Variants in GDAP2 observed in about 807,000 individuals in gnomAD.
GDAP2 encodes ganglioside-induced differentiation-associated protein 2.
Under a neutral mutation model 67.0 loss-of-function variants are expected in GDAP2, and 51 were observed. The ratio of observed to expected loss-of-function variants is 0.76; its 90% CI spans 0.61 to 0.96. GDAP2 has a LOEUF of 0.96. GDAP2 is among the 40% of genes least tolerant of loss of function. The probability of loss-of-function intolerance (pLI) is 0.00; values close to 1 mark genes in which losing one functional copy is unlikely to be tolerated. For synonymous variants in GDAP2, 203 were observed against 207.3 expected (o/e 0.98, Z 0.18); for missense variants, 547 against 588.3 (o/e 0.93, Z 0.73).
intron 1 of GDAP2, among the ~76,000 whole-genome samples, chr1:117,924,547 G>A (rs1160191572): frequency 6.6e-6 from 1 of 152,158 alleles, no homozygotes; most frequent in East Asian, 1.9e-4. Context: ...AATACATTCC[G>A]TGATGTTTCC....
intron 6 of GDAP2, among the ~76,000 whole-genome samples, chr1:117,899,637 G>T (rs1452724768): frequency 6.6e-6 from 1 of 151,824 alleles, no homozygotes; most frequent in African/African-American, 2.4e-5. Flanking sequence ...CTTTCATGAT[G>T]TTTATTCTTT....
intron 5 of GDAP2, among the ~76,000 whole-genome samples, chr1:117,906,946 A>G (rs777331731): frequency 3.9e-4 from 60 of 152,136 alleles, no homozygotes; most frequent in Admixed American, 6.5e-4. Flanking sequence ...ACTCTATACA[A>G]TTCTCTTTTA....
intron 13 of GDAP2, among the ~76,000 whole-genome samples, chr1:117,873,370 C>T (rs537667455): frequency 7.2e-5 from 11 of 151,816 alleles, no homozygotes; most frequent in Non-Finnish European, 1.6e-4. Context: ...TATTCCAAGT[C>T]ACATAAATCC....
chr1:117,875,665 A>G (rs1420226436), intron 13 of GDAP2, among the ~76,000 whole-genome samples: 1 of 152,206 alleles, frequency 6.6e-6, no homozygotes, highest in Non-Finnish European at 1.5e-5. Context: ...GGGGGTGCCC[A>G]AGGCCTTGGG....
At position 117,865,307 on chromosome 1, in the gene GDAP2, T is replaced by C. The variant is rs989356909; in HGVS notation, c.*5262A>G. 3.3e-5 allele frequency: 5 copies of C among 152,226 alleles called. No homozygotes were observed. Among genetic ancestry groups the C allele is most frequent in the African/African-American group, 1.2e-4 (5 of 41,456 alleles). 9.4% of individuals were successfully genotyped at this position (152,226 alleles called of 1,614,324 possible). ...CTATTATTTCACTATTGATTCTTCA[T>C]AGGCTATATTTGTATAGAGTGAGAC... On this transcript the variant is annotated 3_prime_UTR_variant, in exon 14 of 14. Transcript: ENST00000369443.
chr1:117,878,656 A>G (rs1004850655), intron 12 of GDAP2, among the ~76,000 whole-genome samples: 9 of 152,230 alleles, frequency 5.9e-5, no homozygotes, highest in South Asian at 2.1e-4. Context: ...CTCGAAGTCC[A>G]TCAAAGTGAA....
intron 8 of GDAP2, among the ~76,000 whole-genome samples, chr1:117,888,090 T>C (rs1394343310): frequency 1.3e-5 from 2 of 152,186 alleles, no homozygotes; most frequent in African/African-American, 4.8e-5. Context: ...TACTATTGTT[T>C]TCCTTTACTA....
intron 6 of GDAP2, among the ~76,000 whole-genome samples, chr1:117,901,512 C>A (rs1487142828): frequency 6.6e-6 from 1 of 152,224 alleles, no homozygotes; most frequent in African/African-American, 2.4e-5. Context: ...AATTTCTCCA[C>A]ATCCTCACCA....
chr1:117,887,364 G>C (rs1161466668), intron 9 of GDAP2, among the ~76,000 whole-genome samples: 1 of 152,090 alleles, frequency 6.6e-6, no homozygotes, highest in Non-Finnish European at 1.5e-5. Context: ...GAAAGAGTGG[G>C]AATCTGGGAA....
At chr1:117,872,225 C>T (rs1425067006) in intron 13 of GDAP2, among the ~76,000 whole-genome samples, 1 of 152,160 alleles carries the variant, frequency 6.6e-6, no homozygotes, top group African/African-American at 2.4e-5. Flanking sequence ...AATAGGAACA[C>T]TTTCACACTG....
Position 117,867,700 on chromosome 1 carries a change from CA to C in GDAP2, c.*2868del, listed in dbSNP as rs201890334. The C allele has an allele frequency of 0.015, 2,046 of 136,680 alleles. 36 individuals carry two copies. The highest frequency in any genetic ancestry group is 0.1 in the South Asian group (449 of 4,364). 8.5% of individuals were successfully genotyped at this position (136,680 alleles called of 1,614,324 possible). A position where few individuals can be genotyped will look rare whatever the true frequency, so the allele number is the denominator to read the frequency against. ...TTGGGTGACAGAGTAAGACTGTCTC[CA>C]AAAAAAAAAGAAAAAGAAAAAGGAA... On this transcript the variant is annotated 3_prime_UTR_variant, in exon 14 of 14. Transcript: ENST00000369443.
chr1:117,877,569 C>T, intron 13 of GDAP2: 5 of 977,352 alleles, frequency 5.1e-6, no homozygotes, highest in Non-Finnish European at 6.1e-6. Flanking sequence ...ATTATACAAC[C>T]TTTTAGATAA....
intron 6 of GDAP2, among the ~76,000 whole-genome samples, chr1:117,899,762 C>A (rs1570980448): frequency 6.6e-6 from 1 of 152,120 alleles, no homozygotes; most frequent in Admixed American, 6.5e-5. Context: ...ACTAATAAAT[C>A]TGCAATACAT....
At chr1:117,879,566 TA>T (rs1648581560) in intron 12 of GDAP2, among the ~76,000 whole-genome samples, 1 of 152,178 alleles carries the variant, frequency 6.6e-6, no homozygotes, top group South Asian at 2.1e-4. Flanking sequence ...TTAAGTATTT[TA>T]CATGTATTAA....
chr1:117,886,302 A>G (rs1648851876), intron 10 of GDAP2, among the ~76,000 whole-genome samples: 1 of 152,208 alleles, frequency 6.6e-6, no homozygotes, highest in South Asian at 2.1e-4. Context: ...AATGATTCCA[A>G]CCACTTACTA....
rs770115877 is a variant in GDAP2, at chr1:117,912,633, G to A, written c.367C>T (p.Arg123Trp). The A allele has an allele frequency of 9.3e-6, 15 of 1,613,212 alleles. No homozygotes were observed. Among genetic ancestry groups the A allele is most frequent in the Admixed American group, 1.7e-5 (1 of 59,970 alleles). ...GGTCCCACTGTGTGAATGATGAACC[G>A]GGCAGCTAGATTGAATCCTTTTGTC... The part of the protein sequence containing the change: ...KLTKGFNLAA[R>W]FIIHTVGPKY... Residue 123 changes from arginine to tryptophan, a missense_variant, in exon 4 of 14, where the codon CGG becomes TGG. Transcript: ENST00000369443.
At chr1:117,874,102 G>A (rs1648379586) in intron 13 of GDAP2, among the ~76,000 whole-genome samples, 2 of 152,176 alleles carry the variant, frequency 1.3e-5, no homozygotes, top group South Asian at 4.1e-4. Flanking sequence ...ACTGTATCCA[G>A]CGATGTGCTC....
At position 117,906,596 on chromosome 1, in the gene GDAP2, T is replaced by G. The variant is rs754869472; in HGVS notation, c.560-14A>C. 1.5e-5 allele frequency: 20 copies of G among 1,327,232 alleles called. No individual in the cohort carries two copies. Among genetic ancestry groups the G allele is most frequent in the South Asian group, 2.5e-5 (2 of 79,542 alleles). The allele number at this position is 1,327,232 out of a possible 1,614,324, so 82.2% of individuals were successfully genotyped here. On this transcript the variant is annotated splice_polypyrimidine_tract_variant and intron_variant, in intron 5 of 13. Transcript: ENST00000369443. The stretch of plus-strand genomic sequence containing the variant: ...TTCTTACAGTGCCTAAGGAAAAGAA[T>G]AGAAAGATTACTCAATAAATAAAAA...
Position 117,869,299 on chromosome 1 carries a change from T to C in GDAP2, c.*1270A>G, listed in dbSNP as rs1043598168. 2 of 152,204 alleles carry C rather than the reference T, an allele frequency of 1.3e-5. No individual in the cohort carries two copies. Among genetic ancestry groups the C allele is most frequent in the Non-Finnish European group, 2.9e-5 (2 of 68,000 alleles). 9.4% of individuals were successfully genotyped at this position (152,204 alleles called of 1,614,324 possible). Reference sequence around the variant, plus strand: ...CCAACAGATGCCTCTTATTGAAGTATAGCATCAGGGGATGAGCAGGCCAGA... The same window carrying C: ...CCAACAGATGCCTCTTATTGAAGTACAGCATCAGGGGATGAGCAGGCCAGA... On this transcript the variant is annotated 3_prime_UTR_variant, in exon 14 of 14. Transcript: ENST00000369443.
Sources: allele counts gnomAD v4.1 joint callset (sites outside exome capture counted in the v4.1 genomes callset), GRCh38; gene constraint gnomAD v4.1.1; transcripts MANE v1.5; gene names NCBI Gene and HGNC (gene_info 2026-07-23, HGNC 2026-07-21).